Variants in FAT3 observed in about 807,000 individuals in gnomAD.
FAT3 encodes protocadherin Fat 3.
A neutral mutation model predicts 310.2 loss-of-function variants in FAT3; 95 were observed. The ratio of observed to expected loss-of-function variants is 0.31; its 90% CI spans 0.26 to 0.36. FAT3 has a LOEUF of 0.36. FAT3 is among the 10% of genes least tolerant of loss of function. The pLI is 1.00. For synonymous variants in FAT3, 2,314 were observed against 2,192.9 expected, an observed-to-expected ratio of 1.06 and a Z score of -1.54; for missense variants, 5,408 against 5,715.6, an observed-to-expected ratio of 0.95 and a Z score of 1.74.
chr11:92,660,560 A>G (rs1158266792), intron 3 of FAT3, among the ~76,000 whole-genome samples: 1 of 152,186 alleles, frequency 6.6e-6, no homozygotes, highest in African/African-American at 2.4e-5. Flanking sequence ...TGCTCTTGCC[A>G]GTGGAATCTT....
rs1424652236 is a variant in FAT3 at position 92,276,062 on chromosome 11, CAG to C, written c.-18+50890_-18+50891del. ...AAGAGGCCACTTTGTTGACACATGA[CAG>C]AATACTTTTTCTGCCAAATTGTAGT... is the stretch of plus-strand genomic sequence containing the variant. On this transcript the variant is annotated intron_variant, in intron 1 of 27. Coordinates refer to ENST00000525166, the MANE Select transcript of FAT3 (RefSeq NM_001367949.2). Among the ~76,000 whole-genome samples the C allele has an allele frequency of 4.6e-5, 7 of 152,060 alleles. No homozygotes were observed. In the East Asian group the frequency reaches 1.4e-3, roughly 29 times the overall value.
intron 3 of FAT3, among the ~76,000 whole-genome samples, chr11:92,587,243 T>C (rs1342096049): frequency 6.6e-6 from 1 of 152,006 alleles, no homozygotes; most frequent in African/African-American, 2.4e-5. Flanking sequence ...GAAAGAGAGG[T>C]ATTTAATCAT....
chr11:92,306,063 A>T (rs1445979191), intron 1 of FAT3, among the ~76,000 whole-genome samples: 1 of 152,106 alleles, frequency 6.6e-6, no homozygotes, highest in African/African-American at 2.4e-5. Context: ...TTTTTTGTAA[A>T]TTTGAAATTA....
intron 1 of FAT3, among the ~76,000 whole-genome samples, chr11:92,255,474 G>A (rs1865283226): frequency 6.6e-6 from 1 of 151,864 alleles, no homozygotes; most frequent in Non-Finnish European, 1.5e-5. Context: ...CTACATAAAA[G>A]CATATTAAAT....
At chr11:92,306,593 A>T (rs1489868561) in intron 1 of FAT3, among the ~76,000 whole-genome samples, 1 of 127,482 alleles carries the variant, frequency 7.8e-6, no homozygotes, top group Non-Finnish European at 1.6e-5. Context: ...TTTATATTAT[A>T]TATATTATAT....
chr11:92,757,412 C>T (rs1358358725), intron 4 of FAT3, among the ~76,000 whole-genome samples: 1 of 152,150 alleles, frequency 6.6e-6, no homozygotes, highest in African/African-American at 2.4e-5. Flanking sequence ...CACTTCTAAA[C>T]AATGGTGCGT....
intron 4 of FAT3, among the ~76,000 whole-genome samples, chr11:92,752,620 T>C (rs1179378983): frequency 6.6e-6 from 1 of 152,224 alleles, no homozygotes; most frequent in African/African-American, 2.4e-5. Flanking sequence ...CTTGCACTTA[T>C]ACCTGCAAAA....
At chr11:92,668,226 G>C (rs769788011) in intron 3 of FAT3, among the ~76,000 whole-genome samples, 4 of 152,180 alleles carry the variant, frequency 2.6e-5, no homozygotes, top group Non-Finnish European at 5.9e-5. Context: ...TCAGGATAGT[G>C]GTTGGCCAAA....
At chr11:92,369,881 A>G (rs187401050) in intron 2 of FAT3, among the ~76,000 whole-genome samples, 2 of 152,286 alleles carry the variant, frequency 1.3e-5, no homozygotes, top group East Asian at 1.9e-4. Flanking sequence ...TGCAAGTTCA[A>G]TAAGTATGGA....
At chr11:92,463,672 C>T (rs1429788208) in intron 2 of FAT3, among the ~76,000 whole-genome samples, 1 of 152,088 alleles carries the variant, frequency 6.6e-6, no homozygotes, top group Non-Finnish European at 1.5e-5. Flanking sequence ...ACTGGATCAG[C>T]TGTTCAAGGT....
At chr11:92,751,419 T>G (rs904850391) in intron 4 of FAT3, among the ~76,000 whole-genome samples, 2 of 152,172 alleles carry the variant, frequency 1.3e-5, no homozygotes, top group Non-Finnish European at 2.9e-5. Flanking sequence ...ACCCAGGCCC[T>G]CCCTCTCGTC....
At chr11:92,815,713 C>T (rs1947805824) in intron 13 of FAT3, among the ~76,000 whole-genome samples, 1 of 152,102 alleles carries the variant, frequency 6.6e-6, no homozygotes, top group South Asian at 2.1e-4. Flanking sequence ...ACATGGGCAC[C>T]AGGTGAAGGT....
intron 1 of FAT3, among the ~76,000 whole-genome samples, chr11:92,309,417 CACT>C (rs1022961062): frequency 7.0e-6 from 1 of 143,354 alleles, no homozygotes; most frequent in African/African-American, 2.7e-5. Context: ...CACACACACA[CACT>C]TTTCTCCTAA....
chr11:92,829,152 C>T (rs148016354), intron 13 of FAT3, among the ~76,000 whole-genome samples: 1 of 152,162 alleles, frequency 6.6e-6, no homozygotes. Flanking sequence ...GGGCAAAGAG[C>T]CTAAGGAAAA....
In FAT3 at chr11:92,438,213, C is replaced by T. The variant is rs1377399497; in HGVS notation, c.3292+82809C>T. On this transcript the variant is annotated intron_variant, in intron 2 of 27. Transcript: ENST00000525166. ...AAAATAAAGACATGTTAAATAATTT[C>T]ATGTCATCTAGCCATTATGGATGAT... is the stretch of plus-strand genomic sequence containing the variant. Among the ~76,000 whole-genome samples, 3 of 152,216 alleles carry T rather than the reference C, an allele frequency of 2.0e-5. No individual in the cohort carries two copies. The East Asian group carries it at 5.8e-4, about 29-fold the overall frequency.
In FAT3 at chr11:92,837,740, T is replaced by C; in HGVS notation, c.10302T>C (p.Ile3434=). 1 of 1,614,002 alleles carries C rather than the reference T, an allele frequency of 6.2e-7. No individual in the cohort carries two copies. The highest frequency in any genetic ancestry group is 8.5e-7 in the Non-Finnish European group (1 of 1,179,892). ...PAMSSTATVN[I]DISDVNDNSP... ...TGTCATCAACTGCAACTGTCAACAT[T>C]GATATTTCTGATGTGAATGACAACA... Residue 3434 remains isoleucine, a synonymous_variant, in exon 17 of 28, where the codon ATT becomes ATC. Transcript: ENST00000525166.
At chr11:92,279,891 C>G (rs767025842) in intron 1 of FAT3, among the ~76,000 whole-genome samples, 1 of 152,074 alleles carries the variant, frequency 6.6e-6, no homozygotes, top group Non-Finnish European at 1.5e-5. Context: ...GAATATTGCT[C>G]CAAGTCTCAT....
At chr11:92,528,072 A>T (rs1211727945) in intron 3 of FAT3, among the ~76,000 whole-genome samples, 5 of 152,268 alleles carry the variant, frequency 3.3e-5, no homozygotes, top group African/African-American at 9.6e-5. Flanking sequence ...TATGATATAC[A>T]GCTTGTAGCA....
At chr11:92,357,632 A>G (rs1591164539) in intron 2 of FAT3, among the ~76,000 whole-genome samples, 1 of 152,118 alleles carries the variant, frequency 6.6e-6, no homozygotes, top group African/African-American at 2.4e-5. Flanking sequence ...TATGAGCTGA[A>G]TCATTCACCA....
Sources: gnomAD v4.1 joint callset for allele counts (sites outside exome capture counted in the v4.1 genomes callset) on GRCh38, gnomAD v4.1.1 for gene constraint, MANE v1.5 for transcripts, NCBI Gene and HGNC (gene_info 2026-07-23, HGNC 2026-07-21) for gene names.